The following ALX1 variants were observed in gnomAD, a reference collection of about 807,000 sequenced individuals.
The protein encoded by ALX1 is ALX homeobox protein 1.
ALX1 carries 19 observed loss-of-function variants against 31.7 expected under a neutral mutation model. That is an observed-to-expected ratio of 0.60 (90% CI 0.42 to 0.88). The LOEUF is 0.88. ALX1 is among the 40% of genes least tolerant of loss of function. The pLI, the probability that ALX1 is intolerant of heterozygous loss-of-function variation, is 0.00. For synonymous variants in ALX1, 153 were observed against 148.8 expected, an observed-to-expected ratio of 1.03 and a Z score of -0.20; for missense variants, 415 against 407.8, an observed-to-expected ratio of 1.02 and a Z score of -0.15.
chr12:85,296,600 A>G (rs1292156392), intron 3 of ALX1, among the ~76,000 whole-genome samples: 2 of 151,592 alleles, frequency 1.3e-5, no homozygotes, highest in African/African-American at 4.8e-5. Flanking sequence ...TTCCCTGGAC[A>G]GTGCTTTGAA....
intron 3 of ALX1, among the ~76,000 whole-genome samples, chr12:85,299,468 A>G (rs1896933790): frequency 6.6e-6 from 1 of 151,444 alleles, no homozygotes; most frequent in South Asian, 2.1e-4. Flanking sequence ...TATATAAAAT[A>G]TATATGTTTA....
intron 3 of ALX1, among the ~76,000 whole-genome samples, chr12:85,294,752 C>T (rs913632169): frequency 6.6e-6 from 1 of 150,656 alleles, no homozygotes; most frequent in African/African-American, 2.4e-5. Context: ...CTTAAATTAT[C>T]AGTCTCATAT....
At chr12:85,285,677 T>C (rs1047880292) in intron 2 of ALX1, among the ~76,000 whole-genome samples, 10 of 152,002 alleles carry the variant, frequency 6.6e-5, no homozygotes, top group Admixed American at 6.6e-4. Context: ...GAATTGAGTA[T>C]GAAAAAGAGT....
chr12:85,288,065 G>A (rs955561524), intron 3 of ALX1, among the ~76,000 whole-genome samples: 1 of 151,228 alleles, frequency 6.6e-6, no homozygotes, highest in Admixed American at 6.6e-5. Flanking sequence ...CACTCCTCCA[G>A]ATAAATCCCC....
At position 85,283,589 on chromosome 12, in the gene ALX1, A is replaced by C; in HGVS notation, c.244A>C (p.Lys82Gln). The C allele has an allele frequency of 6.2e-7, 1 of 1,614,134 alleles. No homozygotes were observed. The highest frequency in any genetic ancestry group is 8.5e-7 in the Non-Finnish European group (1 of 1,179,974). ...QDSSVNYGIT[K>Q]VEGQPLHTEL... Reference sequence around the variant, plus strand: ...GGGTACAGTGAACTATGGGATCACTAAAGTAGAAGGACAGCCCCTTCACAC... The same window carrying C: ...GGGTACAGTGAACTATGGGATCACTCAAGTAGAAGGACAGCCCCTTCACAC... Residue 82 changes from lysine (K) to glutamine (Q), a missense_variant, in exon 2 of 4, where the codon AAA (lysine) becomes CAA (glutamine). Lys to Gln is a moderately conservative substitution (Grantham distance 53). Around this residue, in one of 3 missense-constraint regions of ALX1, gnomAD observed 235 missense variants for 208.9 expected, o/e 1.13. Coordinates refer to ENST00000316824, the MANE Select transcript of ALX1 (RefSeq NM_006982.3).
rs1896950754 is a variant in ALX1, at chr12:85,300,610, A to G, written c.661-545A>G. On this transcript the variant is annotated intron_variant, in intron 3 of 3. Transcript: ENST00000316824. ...TTCTCAGAGCTGTTTCTTCAAGACTATAGGATACGAAAAAGCAATAGGAGG... is the reference window on the plus strand; with the variant it reads ...TTCTCAGAGCTGTTTCTTCAAGACTGTAGGATACGAAAAAGCAATAGGAGG... Among the ~76,000 whole-genome samples, 5 of 152,170 alleles carry G rather than the reference A, an allele frequency of 3.3e-5. No homozygotes were observed. The South Asian group carries it at 6.2e-4, about 19-fold the overall frequency.
At chr12:85,294,912 T>G (rs1373994221) in intron 3 of ALX1, among the ~76,000 whole-genome samples, 1 of 151,318 alleles carries the variant, frequency 6.6e-6, no homozygotes, top group Non-Finnish European at 1.5e-5. Context: ...ATAAATGATT[T>G]CTAATCACTT....
At chr12:85,297,556 GA>G (rs1896906378) in intron 3 of ALX1, among the ~76,000 whole-genome samples, 1 of 151,632 alleles carries the variant, frequency 6.6e-6, no homozygotes, top group Non-Finnish European at 1.5e-5. Context: ...TTATAGAAAA[GA>G]AATGGAATTT....
chr12:85,293,601 C>G (rs1031221433), intron 3 of ALX1, among the ~76,000 whole-genome samples: 17 of 150,438 alleles, frequency 1.1e-4, no homozygotes, highest in Non-Finnish European at 1.9e-4. Flanking sequence ...TGACTGTACA[C>G]AGTAAGTTAA....
intron 3 of ALX1, 151 bp downstream of exon 3, chr12:85,287,132 T>C: frequency 1.1e-6 from 1 of 904,256 alleles, no homozygotes; most frequent in Non-Finnish European, 1.6e-6. Flanking sequence ...TGCTAAGTTT[T>C]AATTTTTCTG....
At chr12:85,299,649 T>C (rs1217525717) in intron 3 of ALX1, among the ~76,000 whole-genome samples, 1 of 151,870 alleles carries the variant, frequency 6.6e-6, no homozygotes, top group Non-Finnish European at 1.5e-5. Flanking sequence ...AAATTACTTA[T>C]TAAGGTTTTT....
chr12:85,298,883 T>G (rs570736529), intron 3 of ALX1, among the ~76,000 whole-genome samples: 46 of 151,900 alleles, frequency 3.0e-4, no homozygotes, highest in Admixed American at 1.5e-3. Context: ...TACAGAATAT[T>G]TTTCAATTTA....
chr12:85,284,719 A>G (rs1896725683), intron 2 of ALX1, among the ~76,000 whole-genome samples: 1 of 152,100 alleles, frequency 6.6e-6, no homozygotes, highest in Non-Finnish European at 1.5e-5. Flanking sequence ...TTCTTAAACT[A>G]TATTTTACTA....
At chr12:85,285,434 GC>G in intron 2 of ALX1, among the ~76,000 whole-genome samples, 3 of 152,114 alleles carry the variant, frequency 2.0e-5, no homozygotes, top group Admixed American at 2.0e-4. Flanking sequence ...TGCGGAGACA[GC>G]AAGAAAATTT....
chr12:85,299,991 A>G (rs1156776378), intron 3 of ALX1, among the ~76,000 whole-genome samples: 1 of 151,976 alleles, frequency 6.6e-6, no homozygotes, highest in Non-Finnish European at 1.5e-5. Flanking sequence ...TATTATAATA[A>G]TGTTGCTAAA....
At chr12:85,292,400 G>A (rs1896829736) in intron 3 of ALX1, among the ~76,000 whole-genome samples, 1 of 150,970 alleles carries the variant, frequency 6.6e-6, no homozygotes, top group African/African-American at 2.4e-5. Context: ...TTTGAATGAG[G>A]TTTCACTGAG....
intron 3 of ALX1, among the ~76,000 whole-genome samples, chr12:85,294,623 AT>A (rs1896862769): frequency 6.6e-6 from 1 of 151,152 alleles, no homozygotes; most frequent in Admixed American, 6.6e-5. Context: ...ATGTAAACAC[AT>A]TTATATGATG....
chr12:85,298,431 A>G (rs1351862022), intron 3 of ALX1, among the ~76,000 whole-genome samples: 1 of 151,828 alleles, frequency 6.6e-6, no homozygotes, highest in Non-Finnish European at 1.5e-5. Flanking sequence ...TTAAACACCC[A>G]GAGGGCAGGC....
In ALX1 at chr12:85,280,412, C is replaced by T; in HGVS notation, c.151C>T (p.Gln51Ter). The T allele has an allele frequency of 6.2e-7, 1 of 1,613,240 alleles. No homozygotes were observed. Among genetic ancestry groups the T allele is most frequent in the Non-Finnish European group, 8.5e-7 (1 of 1,180,040 alleles). The change falls in exon 1 of 4, where the codon CAG (glutamine) becomes TAG (stop). Residue 51 changes from glutamine (Q) to a stop codon, truncating the protein, a stop_gained. Coordinates refer to ENST00000316824, the MANE Select transcript of ALX1 (RefSeq NM_006982.3). LOFTEE classifies it high-confidence loss of function. The stretch of plus-strand genomic sequence containing the variant: ...CAAAGCGTCTGCAGGCAAATGCGTG[C>T]AGGCCTTCGGACCCCTGCCCCGCGC... ...YSKASAGKCVQAFGPLPRAEH... is the reference protein window; with the variant it reads ...YSKASAGKCV
Sources: allele counts gnomAD v4.1 joint callset (sites outside exome capture counted in the v4.1 genomes callset), GRCh38; gene constraint gnomAD v4.1.1; regional missense constraint gnomAD v4.1.1; transcripts MANE v1.5; gene names NCBI Gene and HGNC (gene_info 2026-07-23, HGNC 2026-07-21).